The following GFM1 variants were observed in gnomAD, a reference collection of about 807,000 sequenced individuals.
GFM1 encodes G elongation factor mitochondrial 1.
In GFM1, 62 loss-of-function variants were observed where a neutral mutation model predicts 96.2. The observed-to-expected ratio is 0.64, with a 90% CI of 0.53 to 0.80. GFM1 has a LOEUF of 0.80. Among genes scored for constraint, GFM1 ranks in the 30% least tolerant of loss-of-function variants. The probability of loss-of-function intolerance (pLI) is 0.00; values close to 1 mark genes in which losing one functional copy is unlikely to be tolerated. For synonymous variants in GFM1, 282 were observed against 312.9 expected, an observed-to-expected ratio of 0.90 and a Z score of 1.04; for missense variants, 852 against 916.6, an observed-to-expected ratio of 0.93 and a Z score of 0.91.
intron 14 of GFM1, among the ~76,000 whole-genome samples, chr3:158,682,975 T>C (rs558615007): frequency 6.7e-6 from 1 of 150,218 alleles, no homozygotes; most frequent in South Asian, 2.1e-4. Flanking sequence ...ATGGAGACTG[T>C]GGTGAGCTGT....
At chr3:158,660,568 A>T in intron 9 of GFM1, 1 of 358,538 alleles carries the variant, frequency 2.8e-6, no homozygotes, top group Non-Finnish European at 5.3e-6. Context: ...TTTTAATTCC[A>T]TAGAAATAAC....
intron 4 of GFM1, among the ~76,000 whole-genome samples, chr3:158,648,764 C>A (rs1722053896): frequency 6.6e-6 from 1 of 151,534 alleles, no homozygotes; most frequent in Non-Finnish European, 1.5e-5. Context: ...CTGTTCTTCC[C>A]CCTTCTGCTT....
chr3:158,645,751 C>T lies in GFM1; in HGVS notation c.204C>T (p.Tyr68=), dbSNP rs763552707. Residue 68 remains tyrosine (Y), a synonymous_variant, in exon 2 of 18, where the codon TAC becomes TAT. Transcript: ENST00000486715. ...CTACATTAACAGAACGAGTCCTTTA[C>T]TACACTGGCAGAATTGCAAAGATGC... The part of the protein sequence containing the change: ...GKTTLTERVL[Y]YTGRIAKMHE... The T allele has an allele frequency of 1.9e-6, 3 of 1,612,732 alleles. No individual in the cohort carries two copies. The highest frequency in any genetic ancestry group is 1.7e-5 in the Admixed American group (1 of 60,026).
Position 158,666,709 on chromosome 3 carries a change from A to G in GFM1, c.1601+323A>G, listed in dbSNP as rs552984709. On this transcript the variant is annotated intron_variant, in intron 13 of 17. Transcript: ENST00000486715. ...GTTTTACTTTAGTGCCGTATTGTGG[A>G]TGCCAGAGAACTTGCATTTGCCAGG... 4.3e-6 allele frequency: 7 copies of G among 1,614,034 alleles called. No homozygotes were observed. The East Asian group carries it at 1.6e-4, about 36-fold the overall frequency.
chr3:158,666,001 C>G (rs964197050), intron 12 of GFM1, among the ~76,000 whole-genome samples: 8 of 152,126 alleles, frequency 5.3e-5, no homozygotes, highest in African/African-American at 1.9e-4. Flanking sequence ...ATCCTGACAA[C>G]AGATTTATAT....
intron 6 of GFM1, 24 bp from the exon 7 acceptor site, chr3:158,653,286 C>T (rs768792924): frequency 3.1e-6 from 5 of 1,588,362 alleles, no homozygotes; most frequent in Non-Finnish European, 4.3e-6. Context: ...ACATTAACTA[C>T]CATTAAATTG....
intron 14 of GFM1, among the ~76,000 whole-genome samples, chr3:158,684,008 T>C (rs1199219145): frequency 6.6e-6 from 1 of 152,128 alleles, no homozygotes; most frequent in Non-Finnish European, 1.5e-5. Flanking sequence ...ACACCAATAC[T>C]ATGCAGCCAT....
At chr3:158,675,500 A>G (rs1313266917) in intron 13 of GFM1, among the ~76,000 whole-genome samples, 3 of 152,044 alleles carry the variant, frequency 2.0e-5, no homozygotes, top group African/African-American at 7.2e-5. Flanking sequence ...ATAATGATAA[A>G]ATATTCCAAG....
At chr3:158,659,925 A>G (rs983512195) in intron 9 of GFM1, among the ~76,000 whole-genome samples, 3 of 152,170 alleles carry the variant, frequency 2.0e-5, no homozygotes, top group East Asian at 1.9e-4. Context: ...AGAAGCTGGA[A>G]GATTTGTACA....
intron 13 of GFM1, among the ~76,000 whole-genome samples, chr3:158,679,671 C>T (rs567787838): frequency 1.1e-4 from 16 of 152,146 alleles, no homozygotes; most frequent in African/African-American, 3.6e-4. Context: ...TATCTGTGAG[C>T]CAGCCTCTTA....
chr3:158,649,112 T>C lies in GFM1; in HGVS notation c.644T>C (p.Val215Ala), dbSNP rs1209347062. Residue 215 changes from valine to alanine, a missense_variant, in exon 5 of 18, where the codon GTA becomes GCA. Physicochemically the swap from Val to Ala is moderately conservative, Grantham distance 64. Coordinates refer to ENST00000486715, the MANE Select transcript of GFM1 (RefSeq NM_024996.7). ...TTGGAGGGTAATTTTAAAGGTATTGTAGATCTTATTGAGGAACGAGCCATC... is the reference window on the plus strand; with the variant it reads ...TTGGAGGGTAATTTTAAAGGTATTGCAGATCTTATTGAGGAACGAGCCATC... Reference protein sequence around the residue: ...MGLEGNFKGIVDLIEERAIYF... With the variant: ...MGLEGNFKGIADLIEERAIYF... 6.5e-7 allele frequency: 1 copy of C among 1,539,092 alleles called. No homozygotes were observed. Among genetic ancestry groups the C allele is most frequent in the Non-Finnish European group, 9.0e-7 (1 of 1,112,376 alleles).
intron 13 of GFM1, among the ~76,000 whole-genome samples, chr3:158,677,663 C>G (rs982066819): frequency 5.3e-5 from 8 of 152,172 alleles, no homozygotes; most frequent in African/African-American, 1.7e-4. Flanking sequence ...TGCCACCATG[C>G]CCGACTAAGT....
intron 13 of GFM1, 36 bp downstream of exon 13, chr3:158,666,422 A>G (rs1242473102): frequency 6.5e-7 from 1 of 1,542,294 alleles, no homozygotes; most frequent in East Asian, 2.2e-5. Flanking sequence ...TATGAGGCTG[A>G]AATTGAAGCT....
chr3:158,669,431 A>C lies in GFM1; in HGVS notation c.1601+3045A>C, dbSNP rs779129793. ...AATGGTTTTCATGCCATATTTATAT[A>C]CCTGGAATATTTTGTGCTTCTAGCG... On this transcript the variant is annotated intron_variant, in intron 13 of 17. Coordinates refer to ENST00000486715, the MANE Select transcript of GFM1 (RefSeq NM_024996.7). The C allele has an allele frequency of 1.1e-5, 17 of 1,606,880 alleles. 1 individual carries two copies. The South Asian group carries it at 1.9e-4, about 18-fold the overall frequency.
chr3:158,652,173 G>A lies in GFM1; in HGVS notation c.767G>A (p.Cys256Tyr). 1 of 1,613,924 alleles carries A rather than the reference G, an allele frequency of 6.2e-7. No individual in the cohort carries two copies. The highest frequency in any genetic ancestry group is 8.5e-7 in the Non-Finnish European group (1 of 1,179,798). The change falls in exon 6 of 18, where the codon TGT (cysteine) becomes TAT (tyrosine). Residue 256 changes from cysteine (C) to tyrosine (Y), a missense_variant. Coordinates refer to ENST00000486715, the MANE Select transcript of GFM1 (RefSeq NM_024996.7). ...ATDHRQELIE[C>Y]VANSDEQLGE... is the part of the protein sequence containing the mutation. Reference sequence around the variant, plus strand: ...GACCACCGGCAGGAGCTAATTGAATGTGTTGCCAATTCAGATGAACAGCTT... The same window carrying A: ...GACCACCGGCAGGAGCTAATTGAATATGTTGCCAATTCAGATGAACAGCTT...
chr3:158,688,551 A>G (rs1409959583), intron 15 of GFM1, among the ~76,000 whole-genome samples: 1 of 152,162 alleles, frequency 6.6e-6, no homozygotes, highest in Non-Finnish European at 1.5e-5. Flanking sequence ...ATAATGTGTA[A>G]CTAAATCTAG....
At chr3:158,644,957 A>G (rs1560126835) in intron 1 of GFM1, 7 of 403,976 alleles carry the variant, frequency 1.7e-5, no homozygotes, top group Middle Eastern at 6.6e-4. Context: ...AGATACTTTG[A>G]TATTTTATCC....
intron 13 of GFM1, among the ~76,000 whole-genome samples, chr3:158,675,940 A>C (rs1724849911): frequency 1.3e-5 from 2 of 152,238 alleles, no homozygotes; most frequent in South Asian, 4.1e-4. Flanking sequence ...TTGTTTTGCC[A>C]CCTTAAAATT....
intron 8 of GFM1, chr3:158,657,191 C>T (rs1221693784): frequency 6.6e-6 from 1 of 151,976 alleles, no homozygotes; most frequent in Non-Finnish European, 1.5e-5. Context: ...TATTTATTAC[C>T]TCCAAAATGA....
Sources: allele counts gnomAD v4.1 joint callset (sites outside exome capture counted in the v4.1 genomes callset), GRCh38; gene constraint gnomAD v4.1.1; transcripts MANE v1.5; gene names NCBI Gene and HGNC (gene_info 2026-07-23, HGNC 2026-07-21).